Variants in POLM observed in about 807,000 individuals in gnomAD.
The protein encoded by POLM is DNA polymerase mu.
POLM carries 52 observed loss-of-function variants against 56.7 expected under a neutral mutation model. That is an observed-to-expected ratio of 0.92 (90% CI 0.73 to 1.15). POLM has a LOEUF of 1.15. Among genes scored for constraint, POLM ranks in the 50% most tolerant of loss-of-function variants. The pLI, the probability that POLM is intolerant of heterozygous loss-of-function variation, is 0.00. For missense variants in POLM, 660 were observed against 663.6 expected (o/e 0.99, Z 0.06); for synonymous variants, 273 against 274.3 (o/e 1.00, Z 0.05).
intron 5 of POLM, among the ~76,000 whole-genome samples, chr7:44,077,547 G>A (rs1051515163): frequency 6.6e-6 from 1 of 152,120 alleles, no homozygotes; most frequent in Admixed American, 6.5e-5. Context: ...GTAATTTTCT[G>A]CCAGCCTAGA....
chr7:44,081,744 CTT>C (rs1183469734), intron 1 of POLM, among the ~76,000 whole-genome samples: 8 of 125,348 alleles, frequency 6.4e-5, no homozygotes, highest in Non-Finnish European at 6.5e-5. Context: ...GCAAATACGA[CTT>C]TTTTTTTTTT....
At chr7:44,078,663 C>T (rs1332892863) in intron 5 of POLM, 77 bp downstream of exon 5, 1 of 1,361,098 alleles carries the variant, frequency 7.3e-7, no homozygotes, top group Admixed American at 1.7e-5. Flanking sequence ...GTTTGCCTCC[C>T]CGTGCATGGT....
At chr7:44,078,888 G>A (rs907351316) in intron 4 of POLM, 77 bp from the exon 5 acceptor site, 34 of 1,265,144 alleles carry the variant, frequency 2.7e-5, no homozygotes, top group Non-Finnish European at 3.6e-5. Context: ...TAGGGTCAGG[G>A]CTGGGGGCCC....
chr7:44,075,911 G>A (rs2096182327), intron 6 of POLM: 1 of 152,220 alleles, frequency 6.6e-6, no homozygotes, highest in South Asian at 2.1e-4. Context: ...GCTAACTCTT[G>A]TATTTCTCGT....
intron 5 of POLM, among the ~76,000 whole-genome samples, chr7:44,077,887 C>G (rs2096188097): frequency 6.6e-6 from 1 of 152,234 alleles, no homozygotes; most frequent in Non-Finnish European, 1.5e-5. Flanking sequence ...ACACCTCCAG[C>G]CACAAAGCCA....
At chr7:44,077,828 C>CTG (rs931934929) in intron 5 of POLM, among the ~76,000 whole-genome samples, 1 of 152,230 alleles carries the variant, frequency 6.6e-6, no homozygotes, top group African/African-American at 2.4e-5. Flanking sequence ...GCCCCATCCA[C>CTG]CCAGGAAGCC....
chr7:44,078,951 AG>A (rs1295634433), intron 4 of POLM, 140 bp from the exon 5 acceptor site: 4 of 630,262 alleles, frequency 6.3e-6, no homozygotes, highest in Non-Finnish European at 1.1e-5. Flanking sequence ...TTGTGAGGTC[AG>A]GGTCCAGTAG....
At chr7:44,081,450 C>T (rs1450775543) in intron 1 of POLM, among the ~76,000 whole-genome samples, 2 of 152,252 alleles carry the variant, frequency 1.3e-5, no homozygotes, top group Non-Finnish European at 2.9e-5. Context: ...TGGCGCACTA[C>T]TGATCCCTGG....
chr7:44,082,402 G>T lies in POLM; in HGVS notation c.37C>A (p.Pro13Thr). 1 of 1,496,806 alleles carries T rather than the reference G, an allele frequency of 6.7e-7. No homozygotes were observed. The highest frequency in any genetic ancestry group is 8.8e-7 in the Non-Finnish European group (1 of 1,132,954). 92.7% of individuals were successfully genotyped at this position (1,496,806 alleles called of 1,614,324 possible). A position where few individuals can be genotyped will look rare whatever the true frequency, so the allele number is the denominator to read the frequency against. The change falls in exon 1 of 11, where the codon CCT becomes ACT. Residue 13 changes from proline to threonine, a missense_variant. Coordinates refer to ENST00000242248, the MANE Select transcript of POLM (RefSeq NM_013284.4). ...GTGGAGGAAGCGGCATCGCCGCTAG[G>T]GGACCCGACCCGCGCTCGCCGCCGT... ...PKRRRARVGSPSGDAASSTPP... is the reference protein window; with the variant it reads ...PKRRRARVGSTSGDAASSTPP...
intron 2 of POLM, chr7:44,080,265 G>A (rs2096195958): frequency 1.9e-6 from 1 of 528,402 alleles, no homozygotes; most frequent in African/African-American, 1.9e-5. Flanking sequence ...CAAGCGGGCT[G>A]GGGATGCTGA....
rs574359913 is a variant in POLM, at chr7:44,073,121, A to AGCAGGGGCTCAACTGATCCT, written c.*150_*169dup. 2.6e-4 allele frequency: 385 copies of AGCAGGGGCTCAACTGATCCT among 1,489,604 alleles called. 2 individuals carry two copies. In the African/African-American group the frequency reaches 4.8e-3, roughly 18 times the overall value. The allele number at this position is 1,489,604 out of a possible 1,614,324, so 92.3% of individuals were successfully genotyped here. A position where few individuals can be genotyped will look rare whatever the true frequency, so the allele number is the denominator to read the frequency against. ...ACCTCATCACACCCTGCAGCACACC[A>AGCAGGGGCTCAACTGATCCT]GCAGGGGCTCAACTGATCCTGCAGG... On this transcript the variant is annotated 3_prime_UTR_variant, in exon 11 of 11. Coordinates refer to ENST00000242248, the MANE Select transcript of POLM (RefSeq NM_013284.4).
In POLM at chr7:44,082,309, G is replaced by C. The variant is rs1196960479; in HGVS notation, c.130C>G (p.Arg44Gly). 1.3e-6 allele frequency: 2 copies of C among 1,557,324 alleles called. No homozygotes were observed. Among genetic ancestry groups the C allele is most frequent in the South Asian group, 1.2e-5 (1 of 85,708 alleles). ...CGCGCCAGGCCTGTGAGGAAGGCCC[G>C]GCGGCTGCGACCCATGCGAGGCTCG... ...LVEPRMGRSRRAFLTGLARSK... is the reference protein window; with the variant it reads ...LVEPRMGRSRGAFLTGLARSK... The change falls in exon 1 of 11, where the codon CGG becomes GGG. Residue 44 changes from arginine to glycine, a missense_variant. Coordinates refer to ENST00000242248, the MANE Select transcript of POLM (RefSeq NM_013284.4).
chr7:44,074,602 T>C (rs527744307), intron 6 of POLM, 72 bp from the exon 7 acceptor site: 1 of 1,458,786 alleles, frequency 6.9e-7, no homozygotes, highest in Admixed American at 2.7e-5. Flanking sequence ...CTCACCAGCA[T>C]GAGGTGATCA....
At position 44,072,780 on chromosome 7, in the gene POLM, C is replaced by A. The variant is rs1287021454; in HGVS notation, c.*511G>T. ...GGCCCTCTCCCTCTCCAGATGCCTA[C>A]AGCACACCAGACAGTAGGCTCCTTG... On this transcript the variant is annotated 3_prime_UTR_variant, in exon 11 of 11. Transcript: ENST00000242248. 1 of 300,966 alleles carries A rather than the reference C, an allele frequency of 3.3e-6. No individual in the cohort carries two copies. Among genetic ancestry groups the A allele is most frequent in the Admixed American group, 4.6e-5 (1 of 21,574 alleles). 18.6% of individuals were successfully genotyped at this position (300,966 alleles called of 1,614,324 possible).
chr7:44,082,151 G>A (rs1054022105), intron 1 of POLM, 100 bp downstream of exon 1: 4 of 1,005,658 alleles, frequency 4.0e-6, no homozygotes, highest in Non-Finnish European at 5.5e-6. Flanking sequence ...GGAGATGGAG[G>A]CTCAGGGAAA....
Position 44,072,754 on chromosome 7 carries a change from A to C in POLM, c.*537T>G. On this transcript the variant is annotated 3_prime_UTR_variant, in exon 11 of 11. Coordinates refer to ENST00000242248, the MANE Select transcript of POLM (RefSeq NM_013284.4). ...ATTATCTTCCTCCCAGCTCCTACCCAGGCCCTCTCCCTCTCCAGATGCCTA... is the reference window on the plus strand; with the variant it reads ...ATTATCTTCCTCCCAGCTCCTACCCCGGCCCTCTCCCTCTCCAGATGCCTA... The C allele has an allele frequency of 3.9e-6, 1 of 259,718 alleles. No individual in the cohort carries two copies. The highest frequency in any genetic ancestry group is 2.2e-5 in the African/African-American group (1 of 45,280). 16.1% of individuals were successfully genotyped at this position (259,718 alleles called of 1,614,324 possible).
intron 5 of POLM, among the ~76,000 whole-genome samples, chr7:44,077,257 A>G (rs780126148): frequency 6.6e-6 from 1 of 152,178 alleles, no homozygotes; most frequent in Non-Finnish European, 1.5e-5. Context: ...CCACATTTCC[A>G]ACCGATGGAA....
rs771342819 is a variant in POLM, at chr7:44,073,977, T to C, written c.1120A>G (p.Thr374Ala). 5 of 1,614,060 alleles carry C rather than the reference T, an allele frequency of 3.1e-6. No individual in the cohort carries two copies. The South Asian group carries it at 4.4e-5, about 14-fold the overall frequency. The part of the protein sequence containing the change: ...QHQHSCCESP[T>A]RLAQQSHMDA... Reference sequence around the variant, plus strand: ...ATGTGGCTCTGTTGGGCCAGGCGGGTAGGGGACTCACAGCAGCTGTGCTGG... The same window carrying C: ...ATGTGGCTCTGTTGGGCCAGGCGGGCAGGGGACTCACAGCAGCTGTGCTGG... The change falls in exon 9 of 11, where the codon ACC (threonine) becomes GCC (alanine). Residue 374 changes from threonine to alanine, a missense_variant. Coordinates refer to ENST00000242248, the MANE Select transcript of POLM (RefSeq NM_013284.4).
intron 7 of POLM, 35 bp from the exon 8 acceptor site, chr7:44,074,268 CG>C: frequency 1.9e-6 from 3 of 1,548,264 alleles, no homozygotes; most frequent in Non-Finnish European, 2.6e-6. Context: ...CTCAGGGACA[CG>C]GCCTGCTCAC....
Sources: allele counts gnomAD v4.1 joint callset (sites outside exome capture counted in the v4.1 genomes callset), GRCh38; gene constraint gnomAD v4.1.1; transcripts MANE v1.5; gene names NCBI Gene and HGNC (gene_info 2026-07-23, HGNC 2026-07-21).